NR4A1: variants seen among roughly 807,000 people sequenced by gnomAD.
NR4A1 encodes the protein nuclear receptor subfamily 4immunitygroup A member 1.
A neutral mutation model predicts 47.5 loss-of-function variants in NR4A1; 24 were observed. The observed-to-expected ratio is 0.50, with a 90% confidence interval of 0.37 to 0.71. NR4A1 has a LOEUF of 0.71. Among genes scored for constraint, NR4A1 ranks in the 30% least tolerant of loss-of-function variants. NR4A1 has a pLI of 0.00. For synonymous variants in NR4A1, 353 were observed against 345.7 expected (o/e 1.02, Z -0.24); for missense variants, 669 against 788.6 (o/e 0.85, Z 1.82).
At chr12:52,055,331 G>A (rs1319935115) in intron 2 of NR4A1, 127 bp downstream of exon 2, 1 of 1,290,918 alleles carries the variant, frequency 7.7e-7, no homozygotes, top group African/African-American at 1.5e-5. Flanking sequence ...GGTGGGATCA[G>A]CCCTGCCAGG....
chr12:52,058,319 A>G (rs545774209), intron 6 of NR4A1: 86 of 225,462 alleles, frequency 3.8e-4, no homozygotes, highest in African/African-American at 1.9e-3. Context: ...ATAGAACACA[A>G]TCAGAGGTAC....
intron 2 of NR4A1, among the ~76,000 whole-genome samples, chr12:52,044,766 T>C (rs1938569729): frequency 6.6e-6 from 1 of 152,012 alleles, no homozygotes; most frequent in South Asian, 2.1e-4. Context: ...TTCTGCAAGG[T>C]GGTGGGAGAC....
At chr12:52,044,658 C>T (rs963386520) in intron 2 of NR4A1, among the ~76,000 whole-genome samples, 8 of 152,188 alleles carry the variant, frequency 5.3e-5, no homozygotes, top group African/African-American at 1.2e-4. Flanking sequence ...GGCTGGGACT[C>T]GTTATCAGAG....
At chr12:52,056,842 C>T in intron 4 of NR4A1, 197 bp downstream of exon 4, 3 of 811,174 alleles carry the variant, frequency 3.7e-6, no homozygotes, top group Non-Finnish European at 5.6e-6. Context: ...TGGGAAAATG[C>T]ACCCCCTCAG....
chr12:52,041,662 C>G (rs1938443158), intron 1 of NR4A1: 1 of 881,144 alleles, frequency 1.1e-6, no homozygotes. Flanking sequence ...ATGCCTAACC[C>G]GGGGAGGTCC....
At chr12:52,051,674 G>A in intron 1 of NR4A1, 106 bp downstream of exon 1, 1 of 747,244 alleles carries the variant, frequency 1.3e-6, no homozygotes, top group Non-Finnish European at 1.6e-6. Context: ...ATGCAAGAGG[G>A]TAGGTGTAGT....
At chr12:52,038,868 T>C in intron 1 of NR4A1, 1 of 666,728 alleles carries the variant, frequency 1.5e-6, no homozygotes, top group South Asian at 1.6e-5. Context: ...TGTGCCTGGC[T>C]CAAAGGCCCA....
intron 1 of NR4A1, chr12:52,037,178 G>A (rs1375252218): frequency 1.3e-5 from 2 of 159,040 alleles, no homozygotes; most frequent in South Asian, 1.9e-4. Context: ...GGGCGGCCGC[G>A]GGCGCGGGGG....
intron 2 of NR4A1, 25 bp downstream of exon 2, chr12:52,055,229 CT>C: frequency 1.2e-6 from 2 of 1,607,618 alleles, no homozygotes; most frequent in Non-Finnish European, 1.7e-6. Context: ...CAGGTGGGGC[CT>C]TTTGTTGGAA....
chr12:52,023,489 G>T (rs1937930873), intron 1 of NR4A1, among the ~76,000 whole-genome samples: 1 of 152,134 alleles, frequency 6.6e-6, no homozygotes, highest in Non-Finnish European at 1.5e-5. Context: ...TAGTCCCGCC[G>T]CCTCAGGAAG....
intron 1 of NR4A1, among the ~76,000 whole-genome samples, chr12:52,026,150 T>A (rs1348802481): frequency 2.0e-5 from 3 of 152,264 alleles, no homozygotes; most frequent in Non-Finnish European, 4.4e-5. Context: ...TGAGCTGCAC[T>A]GCTCGCTCAC....
chr12:52,044,714 G>A (rs1938568123), intron 2 of NR4A1, among the ~76,000 whole-genome samples: 1 of 152,206 alleles, frequency 6.6e-6, no homozygotes, highest in Non-Finnish European at 1.5e-5. Context: ...AGGCTGGGTG[G>A]AGACCTTGGG....
chr12:52,036,941 T>C (rs1338361334), intron 1 of NR4A1, among the ~76,000 whole-genome samples: 5 of 152,172 alleles, frequency 3.3e-5, no homozygotes, highest in Non-Finnish European at 7.4e-5. Flanking sequence ...CACCCTCACC[T>C]GAGAACCAGC....
rs537376235 is a variant in NR4A1 at position 52,031,730 on chromosome 12, C to G, written c.-84+8791C>G. Among the ~76,000 whole-genome samples the G allele has an allele frequency of 2.6e-5, 4 of 152,050 alleles. No individual in the cohort carries two copies. In the South Asian group the frequency reaches 8.3e-4, roughly 32 times the overall value. ...AAAATTACAGCTGCCTGTTAAATAT[C>G]TCACTGACATCCTCCATTTCATTTT... is the stretch of plus-strand genomic sequence containing the variant. On this transcript the variant is annotated intron_variant, in intron 1 of 7. Coordinates refer to the NR4A1 transcript ENST00000360284.
chr12:52,034,055 G>A (rs1425947099), intron 1 of NR4A1, among the ~76,000 whole-genome samples: 2 of 152,198 alleles, frequency 1.3e-5, no homozygotes, highest in Non-Finnish European at 2.9e-5. Flanking sequence ...TCTGGCTTAT[G>A]GTCCTGGGTC....
At chr12:52,052,473 G>A in intron 1 of NR4A1, 1 of 985,596 alleles carries the variant, frequency 1.0e-6, no homozygotes, top group Non-Finnish European at 1.2e-6. Context: ...CCCTCCCCCA[G>A]TAGTCTCTGT....
At chr12:52,049,455 G>A (rs936466273), upstream of NR4A1, among the ~76,000 whole-genome samples, 6 of 152,210 alleles carry the variant, frequency 3.9e-5, no homozygotes, top group African/African-American at 1.4e-4. Flanking sequence ...GGCGCAGGCA[G>A]TTGGTCTGTG....
At chr12:52,055,287 T>G (rs892381308) in intron 2 of NR4A1, 83 bp downstream of exon 2, 13 of 1,553,132 alleles carry the variant, frequency 8.4e-6, no homozygotes, top group Non-Finnish European at 1.0e-5. Context: ...GGTCTCCCCC[T>G]GGGTTCTCCT....
chr12:52,043,703 C>T (rs923573544), intron 2 of NR4A1: 7 of 1,255,504 alleles, frequency 5.6e-6, no homozygotes, highest in East Asian at 5.6e-5. Flanking sequence ...GAGGAGGACA[C>T]GCCGGCTTGG....
Sources: gnomAD v4.1 joint callset for allele counts (sites outside exome capture counted in the v4.1 genomes callset) on GRCh38, gnomAD v4.1.1 for gene constraint, MANE v1.5 for transcripts, NCBI Gene and HGNC (gene_info 2026-07-23, HGNC 2026-07-21) for gene names.